The following CNGB3 variants were observed in gnomAD, a reference collection of about 807,000 sequenced individuals.
The protein encoded by CNGB3 is cyclic nucleotide gated channel subunit beta 3, also known as cyclic nucleotide-gated channel beta-3.
A neutral mutation model predicts 92.8 loss-of-function variants in CNGB3; 86 were observed. The observed-to-expected ratio is 0.93, with a 90% CI of 0.78 to 1.11. The LOEUF is 1.11. CNGB3 is among the 50% of genes least tolerant of loss of function. The pLI is 0.00. For synonymous variants in CNGB3, 333 were observed against 332.7 expected, an observed-to-expected ratio of 1.00 and a Z score of -0.01; for missense variants, 1,026 against 956.8, an observed-to-expected ratio of 1.07 and a Z score of -0.95.
intron 3 of CNGB3, among the ~76,000 whole-genome samples, chr8:86,677,786 A>C (rs1297296076): frequency 2.0e-5 from 3 of 152,194 alleles, no homozygotes; most frequent in African/African-American, 7.2e-5. Context: ...GTCATCTTTA[A>C]GAACATTGGT....
At chr8:86,742,730 C>A (rs1194617404) in intron 1 of CNGB3, among the ~76,000 whole-genome samples, 2 of 152,090 alleles carry the variant, frequency 1.3e-5, no homozygotes, top group Non-Finnish European at 2.9e-5. Flanking sequence ...GGACTTAAAC[C>A]TGTCACAGAA....
At chr8:86,700,701 T>G (rs1013964885) in intron 3 of CNGB3, among the ~76,000 whole-genome samples, 3 of 152,156 alleles carry the variant, frequency 2.0e-5, no homozygotes, top group Non-Finnish European at 4.4e-5. Context: ...TGCAGTGGCA[T>G]GATCTCGGCT....
intron 14 of CNGB3, among the ~76,000 whole-genome samples, chr8:86,607,565 G>C (rs1028189072): frequency 1.3e-5 from 2 of 152,154 alleles, no homozygotes; most frequent in South Asian, 4.1e-4. Context: ...GCATCACTAG[G>C]AGCTTGTTTA....
intron 3 of CNGB3, among the ~76,000 whole-genome samples, chr8:86,718,117 G>C (rs541652011): frequency 6.7e-6 from 1 of 149,928 alleles, no homozygotes; most frequent in African/African-American, 2.4e-5. Flanking sequence ...GGAGAAACAA[G>C]AAAAAAAACA....
At chr8:86,592,739 G>T (rs1220989281) in intron 15 of CNGB3, among the ~76,000 whole-genome samples, 1 of 152,144 alleles carries the variant, frequency 6.6e-6, no homozygotes, top group Non-Finnish European at 1.5e-5. Context: ...TCAATGGAAA[G>T]AACATCATAT....
In CNGB3 at chr8:86,704,029, C is replaced by G. The variant is rs1033311739; in HGVS notation, c.338+22502G>C. On this transcript the variant is annotated intron_variant, in intron 3 of 17. Transcript: ENST00000320005. ...TAGGGGCACTAGACCTCCTGTGTAG[C>G]TGAAAATTGCATATGACTTTTGACT... is the stretch of plus-strand genomic sequence containing the variant. The G allele has an allele frequency of 2.0e-5, 3 of 152,146 alleles. No homozygotes were observed. The East Asian group carries it at 5.8e-4, about 29-fold the overall frequency. 9.4% of individuals were successfully genotyped at this position (152,146 alleles called of 1,614,324 possible).
At chr8:86,672,396 G>A (rs1823877594) in intron 3 of CNGB3, among the ~76,000 whole-genome samples, 1 of 152,170 alleles carries the variant, frequency 6.6e-6, no homozygotes, top group African/African-American at 2.4e-5. Context: ...TCCGTCCCCA[G>A]CCAATGAACT....
Position 86,576,149 on chromosome 8 carries a change from A to G in CNGB3, c.2104-19T>C. 6.3e-7 allele frequency: 1 copy of G among 1,599,950 alleles called. No homozygotes were observed. The highest frequency in any genetic ancestry group is 8.5e-7 in the Non-Finnish European group (1 of 1,178,604). On this transcript the variant is annotated intron_variant, in intron 17 of 17. Transcript: ENST00000320005. ...CTTTCTTCTGGAAGGAGCAATTACA[A>G]AGAACTGGTGTTGAAATCGTAATTA... is the stretch of plus-strand genomic sequence containing the variant.
At chr8:86,681,222 T>C (rs1232909104) in intron 3 of CNGB3, among the ~76,000 whole-genome samples, 1 of 152,312 alleles carries the variant, frequency 6.6e-6, no homozygotes, top group Non-Finnish European at 1.5e-5. Flanking sequence ...ATATCTATTA[T>C]ATGTTGATTG....
chr8:86,660,008 T>C, intron 6 of CNGB3: 1 of 349,312 alleles, frequency 2.9e-6, no homozygotes, highest in Non-Finnish European at 5.8e-6. Flanking sequence ...GTCAGCATCA[T>C]GATTCTGAGG....
At chr8:86,617,073 C>A (rs572939402) in intron 13 of CNGB3, among the ~76,000 whole-genome samples, 1 of 152,050 alleles carries the variant, frequency 6.6e-6, no homozygotes, top group Non-Finnish European at 1.5e-5. Flanking sequence ...GCTGTGTTAC[C>A]GATTTGAATG....
intron 6 of CNGB3, among the ~76,000 whole-genome samples, chr8:86,662,666 C>T (rs1157716531): frequency 1.3e-5 from 2 of 152,178 alleles, no homozygotes; most frequent in Admixed American, 6.5e-5. Flanking sequence ...GCTACATTTG[C>T]AGTAGGGAGG....
intron 13 of CNGB3, 88 bp downstream of exon 13, chr8:86,625,895 C>CA (rs1422939529): frequency 1.5e-5 from 16 of 1,086,332 alleles, no homozygotes; most frequent in Non-Finnish European, 1.9e-5. Flanking sequence ...AAACATAAGG[C>CA]AAAAAAACTC....
chr8:86,611,160 A>C (rs1822511708), intron 14 of CNGB3, among the ~76,000 whole-genome samples: 2 of 152,182 alleles, frequency 1.3e-5, no homozygotes, highest in Admixed American at 1.3e-4. Flanking sequence ...GTAATCATAA[A>C]AAGCACAGTA....
At chr8:86,648,004 T>A in intron 7 of CNGB3, 117 bp from the exon 8 acceptor site, 1 of 755,082 alleles carries the variant, frequency 1.3e-6, no homozygotes, top group Admixed American at 1.8e-5. Context: ...TGTTGTTTAA[T>A]CCAAAACTGC....
intron 1 of CNGB3, among the ~76,000 whole-genome samples, chr8:86,743,220 G>A (rs1825371608): frequency 6.6e-6 from 1 of 152,134 alleles, no homozygotes; most frequent in African/African-American, 2.4e-5. Context: ...TTTGAGAAAT[G>A]GTTTCATTTT....
At chr8:86,710,960 A>C (rs1192004449) in intron 3 of CNGB3, among the ~76,000 whole-genome samples, 1 of 152,182 alleles carries the variant, frequency 6.6e-6, no homozygotes, top group Non-Finnish European at 1.5e-5. Context: ...TTTAGAACTT[A>C]TCTATTCTTT....
intron 15 of CNGB3, among the ~76,000 whole-genome samples, chr8:86,599,895 A>C (rs976562240): frequency 6.6e-6 from 1 of 152,140 alleles, no homozygotes; most frequent in East Asian, 1.9e-4. Flanking sequence ...CTTGTGAAGC[A>C]TGTGATCTCT....
At position 86,575,778 on chromosome 8, in the gene CNGB3, T is replaced by C. The variant is rs770350464; in HGVS notation, c.*26A>G. The C allele has an allele frequency of 1.6e-5, 26 of 1,589,424 alleles. No homozygotes were observed. Among genetic ancestry groups the C allele is most frequent in the Middle Eastern group, 3.3e-4 (2 of 6,040 alleles). On this transcript the variant is annotated 3_prime_UTR_variant, in exon 18 of 18. Transcript: ENST00000320005. ...GTACAATCACTTTGGGAACTAGCTA[T>C]ATCACATCTAAAGATAATCAAACAT...
Sources: allele counts gnomAD v4.1 joint callset (sites outside exome capture counted in the v4.1 genomes callset), GRCh38; gene constraint gnomAD v4.1.1; transcripts MANE v1.5; gene names NCBI Gene and HGNC (gene_info 2026-07-23, HGNC 2026-07-21).